Variants in MLIP observed in about 807,000 individuals in gnomAD.
MLIP encodes the protein muscular LMNA interacting protein.
A neutral mutation model predicts 84.8 loss-of-function variants in MLIP; 79 were observed. That is an observed-to-expected ratio of 0.93 (90% confidence interval 0.78 to 1.12). The LOEUF is 1.12. Ranked by LOEUF, MLIP falls within the 50% of genes most tolerant of loss-of-function variation. The pLI is 0.00. For missense variants in MLIP, 1,257 were observed against 1,160.6 expected (o/e 1.08, Z -1.21); for synonymous variants, 504 against 463.0 (o/e 1.09, Z -1.14).
Position 54,169,651 on chromosome 6 carries a change from T to C in MLIP, c.2544+79T>C, listed in dbSNP as rs558937459. The stretch of plus-strand genomic sequence containing the variant: ...CTTTAGAGAGAACACTATTATACAG[T>C]AATTTAAATAGAATTAATTGTTTTT... On this transcript the variant is annotated intron_variant, in intron 9 of 13. Coordinates refer to ENST00000502396, the MANE Select transcript of MLIP (RefSeq NM_001281747.2). The C allele has an allele frequency of 1.7e-5, 14 of 830,836 alleles. No homozygotes were observed. The Admixed American group carries it at 2.2e-4, about 13-fold the overall frequency. The allele number at this position is 830,836 out of a possible 1,614,324, so 51.5% of individuals were successfully genotyped here.
chr6:54,244,176 C>T (rs1054128082), intron 12 of MLIP, among the ~76,000 whole-genome samples: 19 of 152,016 alleles, frequency 1.2e-4, no homozygotes, highest in East Asian at 3.9e-4. Context: ...ATTAGAAATC[C>T]GTGTGAATAA....
chr6:54,076,490 T>C (rs1450220683), intron 1 of MLIP, among the ~76,000 whole-genome samples: 1 of 152,208 alleles, frequency 6.6e-6, no homozygotes, highest in Non-Finnish European at 1.5e-5. Flanking sequence ...TGGACCTGTT[T>C]CTGAAGGAAA....
At chr6:54,166,361 T>C (rs1489267616) in intron 8 of MLIP, among the ~76,000 whole-genome samples, 1 of 151,900 alleles carries the variant, frequency 6.6e-6, no homozygotes, top group African/African-American at 2.4e-5. Flanking sequence ...TATTCTACTT[T>C]CAATTCCTTT....
At chr6:54,077,867 A>G (rs1766897590) in intron 1 of MLIP, among the ~76,000 whole-genome samples, 1 of 152,354 alleles carries the variant, frequency 6.6e-6, no homozygotes, top group East Asian at 1.9e-4. Context: ...ATATAGTTGA[A>G]TTATTTAAAC....
intron 12 of MLIP, among the ~76,000 whole-genome samples, chr6:54,238,335 C>T (rs1781501597): frequency 6.6e-6 from 1 of 152,150 alleles, no homozygotes; most frequent in African/African-American, 2.4e-5. Context: ...CTATCTTCTA[C>T]TCTCATAATT....
chr6:54,055,471 T>G (rs1765610667), intron 1 of MLIP, among the ~76,000 whole-genome samples: 1 of 152,152 alleles, frequency 6.6e-6, no homozygotes, highest in Non-Finnish European at 1.5e-5. Context: ...ATTTACCTAG[T>G]CCTCTCTTAT....
chr6:54,084,118 A>G (rs957846788), intron 1 of MLIP, among the ~76,000 whole-genome samples: 2 of 152,164 alleles, frequency 1.3e-5, no homozygotes, highest in Non-Finnish European at 2.9e-5. Context: ...GAATTACAGA[A>G]GCCACAGTTC....
chr6:54,124,330 T>C, intron 2 of MLIP, 143 bp from the exon 3 acceptor site: 1 of 845,532 alleles, frequency 1.2e-6, no homozygotes, highest in Non-Finnish European at 1.7e-6. Flanking sequence ...AACTGCTAAC[T>C]TCAACCCAAT....
At position 54,174,075 on chromosome 6, in the gene MLIP, T is replaced by TTATA. The variant is rs879610965; in HGVS notation, c.2544+4504_2544+4507dup. Among the ~76,000 whole-genome samples the TTATA allele has an allele frequency of 2.4e-3, 370 of 152,172 alleles. 2 individuals are homozygous for TTATA. Among genetic ancestry groups the TTATA allele is most frequent in the Non-Finnish European group, 7.5e-4 (51 of 67,970 alleles). On this transcript the variant is annotated intron_variant, in intron 9 of 13. Coordinates refer to ENST00000502396, the MANE Select transcript of MLIP (RefSeq NM_001281747.2). ...GTAGCAAATGACAGGATCTCATTCT[T>TTATA]TATAAAGGCTGAATAGTACTCCATT...
At chr6:54,220,495 G>A (rs1229183700) in intron 11 of MLIP, among the ~76,000 whole-genome samples, 2 of 152,098 alleles carry the variant, frequency 1.3e-5, no homozygotes, top group Non-Finnish European at 2.9e-5. Context: ...AATAACAATA[G>A]AATGATGAAC....
chr6:54,087,193 A>T (rs537450010), intron 1 of MLIP, among the ~76,000 whole-genome samples: 1 of 152,302 alleles, frequency 6.6e-6, no homozygotes, highest in Admixed American at 6.5e-5. Flanking sequence ...CTGGAAGTCT[A>T]TTCTAATATG....
chr6:54,224,969 A>C (rs1780478625), intron 11 of MLIP, among the ~76,000 whole-genome samples: 1 of 152,116 alleles, frequency 6.6e-6, no homozygotes, highest in Non-Finnish European at 1.5e-5. Context: ...TATATACCAC[A>C]GTTTCTTTAT....
At chr6:54,116,882 A>T (rs1020416450) in intron 1 of MLIP, among the ~76,000 whole-genome samples, 4 of 152,236 alleles carry the variant, frequency 2.6e-5, no homozygotes, top group African/African-American at 9.6e-5. Flanking sequence ...GCACATTAAA[A>T]AGATTATTTA....
chr6:54,185,456 A>G (rs1397233212), intron 9 of MLIP, among the ~76,000 whole-genome samples: 3 of 152,164 alleles, frequency 2.0e-5, no homozygotes, highest in South Asian at 2.1e-4. Context: ...ATGATTCCCA[A>G]TGAAGGAATT....
At chr6:54,196,427 C>G (rs949093138) in intron 10 of MLIP, among the ~76,000 whole-genome samples, 2 of 152,052 alleles carry the variant, frequency 1.3e-5, no homozygotes, top group African/African-American at 4.8e-5. Context: ...ATAGTGAGAA[C>G]ATGCAGTGTT....
upstream of MLIP, among the ~76,000 whole-genome samples, chr6:54,111,131 A>G (rs968918755): frequency 6.6e-6 from 1 of 152,210 alleles, no homozygotes; most frequent in Admixed American, 6.5e-5. Context: ...TTGCTGCACA[A>G]TCTGGCTTTT....
intron 9 of MLIP, among the ~76,000 whole-genome samples, chr6:54,182,713 C>A (rs532358560): frequency 6.6e-6 from 1 of 152,194 alleles, no homozygotes; most frequent in South Asian, 2.1e-4. Context: ...AAATGTTTAT[C>A]ATTTTTTACT....
At chr6:54,217,019 T>C (rs1171299238) in intron 11 of MLIP, 27 of 985,300 alleles carry the variant, frequency 2.7e-5, no homozygotes, top group Non-Finnish European at 3.3e-5. Flanking sequence ...TTTAAACTGC[T>C]GTAAGTTCTA....
intron 8 of MLIP, among the ~76,000 whole-genome samples, chr6:54,165,237 C>G (rs1280048895): frequency 6.6e-6 from 1 of 151,784 alleles, no homozygotes; most frequent in Non-Finnish European, 1.5e-5. Flanking sequence ...CAACCAGTTC[C>G]CACTTGCCAC....
Sources: gnomAD v4.1 joint callset for allele counts (sites outside exome capture counted in the v4.1 genomes callset) on GRCh38, gnomAD v4.1.1 for gene constraint, MANE v1.5 for transcripts, NCBI Gene and HGNC (gene_info 2026-07-23, HGNC 2026-07-21) for gene names.